Variants in MECOM observed in about 807,000 individuals in gnomAD.
MECOM encodes the protein MDS1 and EVI1 complex locus.
Under a neutral mutation model 116.3 loss-of-function variants are expected in MECOM, and 13 were observed. The ratio of observed to expected loss-of-function variants is 0.11; its 90% CI spans 0.07 to 0.18. The LOEUF (loss-of-function observed/expected upper bound fraction) is 0.18, where lower values mean the gene tolerates loss of function less well. Among genes scored for constraint, MECOM ranks in the 10% least tolerant of loss-of-function variants. The pLI is 1.00. For synonymous variants in MECOM, 528 were observed against 535.2 expected (o/e 0.99, Z 0.19); for missense variants, 1,299 against 1,509.0 (o/e 0.86, Z 2.31).
At chr3:169,425,358 T>C (rs1740480173) in intron 1 of MECOM, among the ~76,000 whole-genome samples, 1 of 152,204 alleles carries the variant, frequency 6.6e-6, no homozygotes, top group African/African-American at 2.4e-5. Context: ...GATCTGCATT[T>C]AACATGCAGG....
At chr3:169,167,953 T>C (rs138472460) in intron 2 of MECOM, among the ~76,000 whole-genome samples, 38 of 134,798 alleles carry the variant, frequency 2.8e-4, no homozygotes, top group African/African-American at 9.4e-4. Flanking sequence ...GGTAAAAGAA[T>C]ATATCTTTAA....
intron 1 of MECOM, among the ~76,000 whole-genome samples, chr3:169,626,396 T>C (rs1771377786): frequency 6.6e-6 from 1 of 152,234 alleles, no homozygotes; most frequent in Non-Finnish European, 1.5e-5. Flanking sequence ...GAAGGTACCC[T>C]GTTGCTTTAA....
intron 1 of MECOM, among the ~76,000 whole-genome samples, chr3:169,438,890 A>G (rs56261583): frequency 0.013 from 1,908 of 152,202 alleles, 36 homozygotes; most frequent in African/African-American, 0.043. Flanking sequence ...GTAATTGTGA[A>G]TCTAGGTTGG....
chr3:169,566,795 C>T (rs760351739), intron 1 of MECOM, among the ~76,000 whole-genome samples: 2 of 152,204 alleles, frequency 1.3e-5, no homozygotes, highest in Admixed American at 6.5e-5. Flanking sequence ...CCTCGTCTGC[C>T]CACCTATGCA....
chr3:169,470,531 T>C (rs1749046538), intron 1 of MECOM, among the ~76,000 whole-genome samples: 1 of 152,116 alleles, frequency 6.6e-6, no homozygotes, highest in African/African-American at 2.4e-5. Flanking sequence ...ACAGTCACAG[T>C]TCTGCCATGA....
At chr3:169,262,144 A>G (rs1577504729) in intron 2 of MECOM, among the ~76,000 whole-genome samples, 2 of 152,260 alleles carry the variant, frequency 1.3e-5, no homozygotes. Flanking sequence ...TTCTAATAGT[A>G]ACATCCTGAT....
intron 3 of MECOM, chr3:169,131,806 G>A (rs973191494): frequency 2.9e-5 from 22 of 757,820 alleles, no homozygotes; most frequent in Non-Finnish European, 3.1e-5. Context: ...GGCTAGCTGC[G>A]TCACATATAT....
intron 2 of MECOM, among the ~76,000 whole-genome samples, chr3:169,346,640 T>TA (rs959672121): frequency 2.0e-5 from 3 of 150,764 alleles, no homozygotes; most frequent in Non-Finnish European, 3.0e-5. Flanking sequence ...ATTTAAAGAA[T>TA]AAAAAAAAAT....
intron 1 of MECOM, among the ~76,000 whole-genome samples, chr3:169,606,705 G>A (rs1256269655): frequency 1.3e-5 from 2 of 152,136 alleles, no homozygotes; most frequent in African/African-American, 2.4e-5. Flanking sequence ...ATTCCTCCTC[G>A]CTTATTGCTC....
chr3:169,420,492 A>C (rs1474232564), intron 1 of MECOM, among the ~76,000 whole-genome samples: 1 of 152,176 alleles, frequency 6.6e-6, no homozygotes, highest in Admixed American at 6.6e-5. Flanking sequence ...AAGAAACAGA[A>C]GAAATGTAGC....
chr3:169,425,163 A>G (rs573849427), intron 1 of MECOM, among the ~76,000 whole-genome samples: 12 of 150,650 alleles, frequency 8.0e-5, no homozygotes, highest in Middle Eastern at 3.2e-3. Flanking sequence ...ATAAGCTTAC[A>G]GAATAAAAAT....
chr3:169,606,321 G>A (rs569815925), intron 1 of MECOM, among the ~76,000 whole-genome samples: 161 of 151,398 alleles, frequency 1.1e-3, no homozygotes, highest in Middle Eastern at 3.4e-3. Flanking sequence ...GCTGAGACAG[G>A]AGAATCGCTT....
At chr3:169,136,318 A>G (rs1307377035) in intron 3 of MECOM, among the ~76,000 whole-genome samples, 4 of 151,616 alleles carry the variant, frequency 2.6e-5, no homozygotes, top group African/African-American at 4.8e-5. Context: ...TTAAATTTTC[A>G]TATTAGTAAT....
chr3:169,612,699 T>G (rs1297720945), intron 1 of MECOM, among the ~76,000 whole-genome samples: 1 of 152,166 alleles, frequency 6.6e-6, no homozygotes, highest in Non-Finnish European at 1.5e-5. Context: ...CCTCAAAAGA[T>G]TTGAGCTCTG....
chr3:169,255,712 C>T (rs1415557113), intron 2 of MECOM, among the ~76,000 whole-genome samples: 2 of 152,140 alleles, frequency 1.3e-5, no homozygotes, highest in Non-Finnish European at 2.9e-5. Flanking sequence ...TCTTCACATA[C>T]TACTGACTTC....
At chr3:169,333,981 T>A (rs531883439) in intron 2 of MECOM, among the ~76,000 whole-genome samples, 1 of 149,384 alleles carries the variant, frequency 6.7e-6, no homozygotes, top group South Asian at 2.2e-4. Context: ...CTGTTTACTC[T>A]TTTTGAGGCA....
intron 2 of MECOM, among the ~76,000 whole-genome samples, chr3:169,336,787 C>A (rs1161757488): frequency 6.6e-6 from 1 of 152,020 alleles, no homozygotes; most frequent in Non-Finnish European, 1.5e-5. Flanking sequence ...AGCATTACCA[C>A]TAGAATAAAT....
chr3:169,205,447 T>C (rs1749791183), intron 2 of MECOM, among the ~76,000 whole-genome samples: 1 of 152,244 alleles, frequency 6.6e-6, no homozygotes, highest in Non-Finnish European at 1.5e-5. Context: ...AAATGATTTA[T>C]AGGCCACACC....
chr3:169,297,971 T>C (rs777623539), intron 2 of MECOM, among the ~76,000 whole-genome samples: 57 of 152,350 alleles, frequency 3.7e-4, no homozygotes, highest in Non-Finnish European at 7.4e-4. Flanking sequence ...ATAGAGTAAC[T>C]TGTTCACTTC....
Sources: allele counts gnomAD v4.1 joint callset (sites outside exome capture counted in the v4.1 genomes callset), GRCh38; gene constraint gnomAD v4.1.1; transcripts MANE v1.5; gene names NCBI Gene and HGNC (gene_info 2026-07-23, HGNC 2026-07-21).